The following CAPSL variants were observed in gnomAD, a reference collection of about 807,000 sequenced individuals.
CAPSL encodes calcyphosine like.
A neutral mutation model predicts 21.3 loss-of-function variants in CAPSL; 17 were observed. That is an observed-to-expected ratio of 0.80 (90% CI 0.55 to 1.20). The LOEUF (loss-of-function observed/expected upper bound fraction) is 1.20, where lower values mean the gene tolerates loss of function less well. CAPSL is among the 50% of genes most tolerant of loss of function. The pLI, the probability that CAPSL is intolerant of heterozygous loss-of-function variation, is 0.00. For missense variants in CAPSL, 289 were observed against 259.3 expected (o/e 1.11, Z -0.79); for synonymous variants, 102 against 89.3 (o/e 1.14, Z -0.80).
intron 4 of CAPSL, among the ~76,000 whole-genome samples, chr5:35,908,122 T>A (rs1020979944): frequency 6.6e-6 from 1 of 152,234 alleles, no homozygotes; most frequent in Non-Finnish European, 1.5e-5. Context: ...TTAGTAATTT[T>A]AAAACAGTTA....
chr5:35,936,146 T>C (rs1226053852), intron 1 of CAPSL, among the ~76,000 whole-genome samples: 4 of 152,184 alleles, frequency 2.6e-5, no homozygotes, highest in Non-Finnish European at 1.5e-5. Context: ...CCACCAGTTA[T>C]GAACAAATTC....
At chr5:35,912,251 G>A (rs1738245814) in intron 2 of CAPSL, among the ~76,000 whole-genome samples, 1 of 152,186 alleles carries the variant, frequency 6.6e-6, no homozygotes. Flanking sequence ...GCTCAAGGAG[G>A]CCTGCCTGCC....
At chr5:35,909,725 G>A in intron 4 of CAPSL, 141 bp downstream of exon 4, 1 of 737,544 alleles carries the variant, frequency 1.4e-6, no homozygotes. Flanking sequence ...GAAGTTTCTA[G>A]ATTGTTCCTA....
At chr5:35,913,494 C>A (rs1253230486) in intron 2 of CAPSL, among the ~76,000 whole-genome samples, 1 of 152,110 alleles carries the variant, frequency 6.6e-6, no homozygotes, top group Non-Finnish European at 1.5e-5. Context: ...GCCCATCAGA[C>A]TAACAGCGGA....
At chr5:35,904,764 A>G (rs901775825) in intron 4 of CAPSL, 118 bp from the exon 5 acceptor site, 7 of 1,443,272 alleles carry the variant, frequency 4.9e-6, no homozygotes, top group Non-Finnish European at 6.5e-6. Context: ...GTATGTGATC[A>G]TGGCTGAGGA....
intron 1 of CAPSL, among the ~76,000 whole-genome samples, chr5:35,936,154 T>C (rs1019182196): frequency 9.9e-5 from 15 of 152,134 alleles, no homozygotes; most frequent in Admixed American, 1.3e-4. Flanking sequence ...TATGAACAAA[T>C]TCACATCATC....
chr5:35,920,975 G>C lies in CAPSL; in HGVS notation c.137+9C>G, dbSNP rs1322298218. 9 of 1,613,008 alleles carry C rather than the reference G, an allele frequency of 5.6e-6. No individual in the cohort carries two copies. Among genetic ancestry groups the C allele is most frequent in the Non-Finnish European group, 7.6e-6 (9 of 1,179,602 alleles). The stretch of plus-strand genomic sequence containing the variant: ...GCTCCATTCCCTGCCACTTGTAGCT[G>C]GGTCCTACCTGCCAAGTCCTTTGAT... On this transcript the variant is annotated intron_variant, in intron 2 of 4. Coordinates refer to ENST00000651391, the MANE Select transcript of CAPSL (RefSeq NM_001042625.2).
intron 2 of CAPSL, among the ~76,000 whole-genome samples, chr5:35,912,265 G>A (rs1738246203): frequency 6.6e-6 from 1 of 152,178 alleles, no homozygotes; most frequent in African/African-American, 2.4e-5. Flanking sequence ...GCCTGCCTCT[G>A]TAGACTCCAC....
chr5:35,906,372 G>T (rs188224969), intron 4 of CAPSL, among the ~76,000 whole-genome samples: 35 of 152,076 alleles, frequency 2.3e-4, no homozygotes, highest in African/African-American at 8.0e-4. Flanking sequence ...AGCTTGGGAT[G>T]GCCAAGTAAT....
rs189299056 is a variant in CAPSL at position 35,911,793 on chromosome 5, G to A, written c.138-1250C>T. Among the ~76,000 whole-genome samples the A allele has an allele frequency of 2.5e-3, 383 of 152,278 alleles. 2 individuals carry two copies. The highest frequency in any genetic ancestry group is 2.7e-3 in the Non-Finnish European group (187 of 68,024). On this transcript the variant is annotated intron_variant, in intron 2 of 4. Transcript: ENST00000651391. ...ACAGCTCCAGTCTACAGCTCCCAGC[G>A]TGAGCGATGCAGAAGACAGGTGATT...
intron 1 of CAPSL, among the ~76,000 whole-genome samples, chr5:35,922,633 G>C (rs1004883197): frequency 1.3e-5 from 2 of 152,180 alleles, no homozygotes; most frequent in African/African-American, 2.4e-5. Flanking sequence ...CCTGCGCTTA[G>C]AGACTTCCAT....
intron 2 of CAPSL, among the ~76,000 whole-genome samples, chr5:35,920,364 G>C (rs1738505596): frequency 6.6e-6 from 1 of 152,152 alleles, no homozygotes; most frequent in Admixed American, 6.5e-5. Flanking sequence ...GCCCATGGCA[G>C]GCTCTTGATG....
At position 35,923,729 on chromosome 5, in the gene CAPSL, G is replaced by A. The variant is rs997434781; in HGVS notation, c.1-2609C>T. Among the ~76,000 whole-genome samples the A allele has an allele frequency of 1.1e-4, 16 of 152,078 alleles. 3 individuals carry two copies. The highest frequency in any genetic ancestry group is 3.9e-4 in the East Asian group (2 of 5,168). ...TCATAGAGACAGAAAGCAAATTAAT[G>A]GTTGCAAGGGGCTGGGGTGGGAGGG... is the stretch of plus-strand genomic sequence containing the variant. On this transcript the variant is annotated intron_variant, in intron 1 of 4. Coordinates refer to ENST00000651391, the MANE Select transcript of CAPSL (RefSeq NM_001042625.2).
chr5:35,929,006 C>T (rs1738753169), intron 1 of CAPSL, among the ~76,000 whole-genome samples: 1 of 152,144 alleles, frequency 6.6e-6, no homozygotes, highest in Non-Finnish European at 1.5e-5. Context: ...AATACAAGGT[C>T]ACCCTCTAGT....
At chr5:35,929,161 G>A (rs940803787) in intron 1 of CAPSL, among the ~76,000 whole-genome samples, 7 of 152,026 alleles carry the variant, frequency 4.6e-5, no homozygotes, top group Admixed American at 2.6e-4. Flanking sequence ...CTCATGTGGT[G>A]GATTCTATCA....
rs1738174836 is a variant in CAPSL at position 35,910,091 on chromosome 5, A to G, written c.316-16T>C. On this transcript the variant is annotated splice_polypyrimidine_tract_variant and intron_variant, in intron 3 of 4. Transcript: ENST00000651391. Reference sequence around the variant, plus strand: ...ACATTGGAGGCTACAAAAATAGAAGAATACATACAGAGACATACATAAGCA... The same window carrying G: ...ACATTGGAGGCTACAAAAATAGAAGGATACATACAGAGACATACATAAGCA... 2 of 1,584,916 alleles carry G rather than the reference A, an allele frequency of 1.3e-6. No individual in the cohort carries two copies. Among genetic ancestry groups the G allele is most frequent in the Non-Finnish European group, 1.7e-6 (2 of 1,166,882 alleles).
At chr5:35,928,384 C>G (rs1229492920) in intron 1 of CAPSL, among the ~76,000 whole-genome samples, 1 of 152,144 alleles carries the variant, frequency 6.6e-6, no homozygotes, top group African/African-American at 2.4e-5. Context: ...GTGATGTCCT[C>G]CCGAAGAGAC....
intron 2 of CAPSL, among the ~76,000 whole-genome samples, chr5:35,912,578 C>G (rs1738259471): frequency 6.6e-6 from 1 of 152,232 alleles, no homozygotes. Context: ...GCAGCCTCCA[C>G]TGCTGATACC....
chr5:35,929,778 A>G (rs1738775867), intron 1 of CAPSL, among the ~76,000 whole-genome samples: 1 of 152,142 alleles, frequency 6.6e-6, no homozygotes, highest in African/African-American at 2.4e-5. Context: ...CGGAGTGCAG[A>G]GCAAATCTGG....
Sources: allele counts gnomAD v4.1 joint callset (sites outside exome capture counted in the v4.1 genomes callset), GRCh38; gene constraint gnomAD v4.1.1; transcripts MANE v1.5; gene names NCBI Gene and HGNC (gene_info 2026-07-23, HGNC 2026-07-21).